Variants in PTGR1 observed in about 807,000 individuals in gnomAD.
PTGR1 encodes the protein 15-oxoprostaglandin 13-reductase.
A neutral mutation model predicts 37.7 loss-of-function variants in PTGR1; 23 were observed. That is an observed-to-expected ratio of 0.61 (90% CI 0.44 to 0.86). The LOEUF (loss-of-function observed/expected upper bound fraction) is 0.86, where lower values mean the gene tolerates loss of function less well. Ranked by LOEUF, PTGR1 falls within the 40% of genes least tolerant of loss-of-function variation. PTGR1 has a pLI of 0.00. For missense variants in PTGR1, 351 were observed against 394.3 expected (o/e 0.89, Z 0.93); for synonymous variants, 134 against 140.0 (o/e 0.96, Z 0.30).
intron 9 of PTGR1, chr9:111,564,120 A>AT (rs983724094): frequency 4.0e-5 from 15 of 371,660 alleles, no homozygotes; most frequent in Non-Finnish European, 4.8e-5. Context: ...ACATTTTCAG[A>AT]TTTTTTTAAG....
At chr9:111,576,496 C>G in intron 7 of PTGR1, 2 of 1,584,584 alleles carry the variant, frequency 1.3e-6, no homozygotes, top group South Asian at 2.3e-5. Context: ...TCAAGAGGCT[C>G]TGGTTCGGGG....
intron 4 of PTGR1, among the ~76,000 whole-genome samples, chr9:111,591,765 GAA>G (rs1829629714): frequency 6.6e-6 from 1 of 152,132 alleles, no homozygotes; most frequent in South Asian, 2.1e-4. Flanking sequence ...TGTTTTATTT[GAA>G]TTTTTACAAT....
chr9:111,586,582 C>A (rs1330661125), intron 4 of PTGR1, among the ~76,000 whole-genome samples: 1 of 152,062 alleles, frequency 6.6e-6, no homozygotes, highest in Non-Finnish European at 1.5e-5. Flanking sequence ...ATGCTCAAGT[C>A]TGCCATCTTA....
At chr9:111,561,110 TAGAGAG>T (rs1159365134), downstream of PTGR1, among the ~76,000 whole-genome samples, 18 of 19,190 alleles carry the variant, frequency 9.4e-4, no homozygotes, top group East Asian at 5.1e-3. Context: ...TATATATATA[TAGAGAG>T]AGAGAGAGAG....
At chr9:111,595,648 T>G (rs1829758429) in intron 2 of PTGR1, among the ~76,000 whole-genome samples, 1 of 152,156 alleles carries the variant, frequency 6.6e-6, no homozygotes, top group Non-Finnish European at 1.5e-5. Flanking sequence ...TATTTATTTT[T>G]TTTGAGATGG....
intron 6 of PTGR1, among the ~76,000 whole-genome samples, chr9:111,580,538 C>T (rs978223837): frequency 5.3e-5 from 8 of 152,004 alleles, no homozygotes; most frequent in East Asian, 1.9e-4. Flanking sequence ...GGTGGATCAC[C>T]GGAGGTCGGG....
intron 6 of PTGR1, among the ~76,000 whole-genome samples, chr9:111,580,159 T>G (rs1829234896): frequency 6.6e-6 from 1 of 152,218 alleles, no homozygotes; most frequent in Non-Finnish European, 1.5e-5. Context: ...ATTAATCTAT[T>G]AATTCTATCT....
At chr9:111,578,697 G>T in intron 7 of PTGR1, 99 bp downstream of exon 7, 1 of 1,084,510 alleles carries the variant, frequency 9.2e-7, no homozygotes, top group Non-Finnish European at 1.3e-6. Flanking sequence ...TTCCTGATAG[G>T]CTATGGACCA....
intron 8 of PTGR1, chr9:111,574,236 ACT>A (rs1828956537): frequency 1.3e-5 from 2 of 152,222 alleles, no homozygotes; most frequent in African/African-American, 2.4e-5. Flanking sequence ...ACTTTTAATA[ACT>A]GTTTCTTTTA....
At chr9:111,591,034 G>A (rs997689868) in intron 4 of PTGR1, among the ~76,000 whole-genome samples, 11 of 152,160 alleles carry the variant, frequency 7.2e-5, no homozygotes, top group Non-Finnish European at 1.6e-4. Flanking sequence ...GCTCATGCCT[G>A]TAGTCCCAAA....
chr9:111,579,565 T>C (rs1829207709), intron 6 of PTGR1, among the ~76,000 whole-genome samples: 1 of 152,034 alleles, frequency 6.6e-6, no homozygotes, highest in South Asian at 2.1e-4. Context: ...TGGCCTTATA[T>C]TTTTTAAATT....
intron 7 of PTGR1, chr9:111,576,662 T>A: frequency 4.3e-6 from 2 of 463,418 alleles, no homozygotes; most frequent in Admixed American, 3.7e-5. Context: ...ATAGTCTATG[T>A]GAGATATGTG....
At position 111,585,959 on chromosome 9, in the gene PTGR1, C is replaced by G. The variant is rs765575785; in HGVS notation, c.377+39G>C. 2.5e-6 allele frequency: 4 copies of G among 1,607,168 alleles called. No individual in the cohort carries two copies. The Admixed American group carries it at 6.7e-5, about 27-fold the overall frequency. On this transcript the variant is annotated intron_variant, in intron 5 of 9. Coordinates refer to ENST00000407693, the MANE Select transcript of PTGR1 (RefSeq NM_001146108.2). ...AAACCATTTTGGAAAATCAGAGTGT[C>G]AGACATTCAAACAAATGGAATATAT...
chr9:111,599,536 CA>C (rs1271408509), intron 1 of PTGR1, 66 bp downstream of exon 1: 1 of 152,488 alleles, frequency 6.6e-6, no homozygotes, highest in Non-Finnish European at 1.5e-5. Context: ...AGAAACTTGG[CA>C]GGAAGAAAGC....
chr9:111,558,399 T>A (rs1301117211), downstream of PTGR1, among the ~76,000 whole-genome samples: 4 of 152,226 alleles, frequency 2.6e-5, no homozygotes, highest in East Asian at 7.7e-4. Context: ...TGCTCCAGGC[T>A]GGGCATGGTG....
chr9:111,551,888 C>A (rs1260453258), intron 9 of PTGR1, among the ~76,000 whole-genome samples: 1 of 152,168 alleles, frequency 6.6e-6, no homozygotes, highest in African/African-American at 2.4e-5. Context: ...TTTATCAATA[C>A]AATATATCAT....
At position 111,593,007 on chromosome 9, in the gene PTGR1, A is replaced by T. The variant is rs979789128; in HGVS notation, c.153-25T>A. The T allele has an allele frequency of 2.7e-6, 4 of 1,471,654 alleles. No individual in the cohort carries two copies. The African/African-American group carries it at 4.3e-5, about 16-fold the overall frequency. 91.2% of individuals were successfully genotyped at this position (1,471,654 alleles called of 1,614,324 possible). A position where few individuals can be genotyped will look rare whatever the true frequency, so the allele number is the denominator to read the frequency against. On this transcript the variant is annotated intron_variant, in intron 3 of 9. Transcript: ENST00000407693. ...TCTGCAAAAAAAAAAAAAAAAAAAA[A>T]AAAAAAAAAATAGGTAAATAAATAA...
chr9:111,567,332 T>TG (rs1351626500), intron 9 of PTGR1, among the ~76,000 whole-genome samples: 3 of 152,064 alleles, frequency 2.0e-5, no homozygotes, highest in African/African-American at 4.8e-5. Flanking sequence ...GGACTATAGG[T>TG]GCACGCCACC....
chr9:111,569,922 T>C (rs1828734236), intron 9 of PTGR1, 169 bp downstream of exon 9: 4 of 1,137,098 alleles, frequency 3.5e-6, no homozygotes, highest in Non-Finnish European at 4.9e-6. Context: ...TTGTTTTCCT[T>C]TCAAAGATGG....
Sources: allele counts gnomAD v4.1 joint callset (sites outside exome capture counted in the v4.1 genomes callset), GRCh38; gene constraint gnomAD v4.1.1; transcripts MANE v1.5; gene names NCBI Gene and HGNC (gene_info 2026-07-23, HGNC 2026-07-21).